The following ARHGAP25 variants were observed in gnomAD, a reference collection of about 807,000 sequenced individuals.
ARHGAP25 encodes Rho GTPase activating protein 25, also known as rho GTPase-activating protein 25.
Under a neutral mutation model 71.0 loss-of-function variants are expected in ARHGAP25, and 34 were observed. That is an observed-to-expected ratio of 0.48 (90% CI 0.36 to 0.64). The LOEUF is 0.64. ARHGAP25 is among the 30% of genes least tolerant of loss of function. ARHGAP25 has a pLI of 0.00. For missense variants in ARHGAP25, 706 were observed against 805.1 expected (o/e 0.88, Z 1.49); for synonymous variants, 282 against 296.5 (o/e 0.95, Z 0.50).
Position 68,806,452 on chromosome 2 carries a change from G to A in ARHGAP25, c.467-821G>A, listed in dbSNP as rs143503613. On this transcript the variant is annotated intron_variant, in intron 4 of 10. Coordinates refer to ENST00000409202, the MANE Select transcript of ARHGAP25 (RefSeq NM_001007231.3). ...CCTTGGGGGGATACATTTCAAGACC[G>A]CAGTGGATGCCTGAGATCTCAGGTA... Among the ~76,000 whole-genome samples, 599 of 152,282 alleles carry A rather than the reference G, an allele frequency of 3.9e-3. 15 individuals are homozygous for A. The highest frequency in any genetic ancestry group is 0.011 in the East Asian group (55 of 5,190).
At chr2:68,810,530 T>G (rs770231296) in intron 5 of ARHGAP25, among the ~76,000 whole-genome samples, 1 of 152,220 alleles carries the variant, frequency 6.6e-6, no homozygotes, top group Non-Finnish European at 1.5e-5. Context: ...TGTTGTAAGA[T>G]GATTTATATA....
intron 2 of ARHGAP25, among the ~76,000 whole-genome samples, chr2:68,718,350 C>T (rs1017162805): frequency 4.6e-5 from 7 of 152,104 alleles, no homozygotes; most frequent in African/African-American, 1.7e-4. Context: ...CCCTTTCTTC[C>T]ATCTTTCTGA....
intron 4 of ARHGAP25, among the ~76,000 whole-genome samples, chr2:68,792,465 T>G (rs1679249972): frequency 6.6e-6 from 1 of 152,222 alleles, no homozygotes; most frequent in Non-Finnish European, 1.5e-5. Flanking sequence ...TATGTCTGTG[T>G]GTACACGTTA....
At chr2:68,756,984 C>T (rs1317052688) in intron 1 of ARHGAP25, among the ~76,000 whole-genome samples, 1 of 151,756 alleles carries the variant, frequency 6.6e-6, no homozygotes, top group Non-Finnish European at 1.5e-5. Context: ...AAGAAAGAAA[C>T]TAAAAAGAAA....
At chr2:68,762,057 G>A (rs993521586) in intron 1 of ARHGAP25, among the ~76,000 whole-genome samples, 2 of 152,134 alleles carry the variant, frequency 1.3e-5, no homozygotes, top group African/African-American at 2.4e-5. Context: ...GCCTTAAAAA[G>A]GAAGGACATT....
In ARHGAP25 at chr2:68,715,941, C is replaced by T. The variant is rs373115452; in HGVS notation, c.-18+5243C>T. On this transcript the variant is annotated intron_variant and NMD_transcript_variant, in intron 2 of 7. Coordinates refer to the ARHGAP25 transcript ENST00000463483. ...GTTGGGAGGAGAAATGAATCTACTT[C>T]ACTCTTTATTCCATAGGTATTTTCA... Among the ~76,000 whole-genome samples the T allele has an allele frequency of 2.8e-4, 43 of 152,266 alleles. No homozygotes were observed. The South Asian group carries it at 8.7e-3, about 31-fold the overall frequency.
chr2:68,796,168 C>G (rs1269370613), intron 4 of ARHGAP25, among the ~76,000 whole-genome samples: 1 of 152,044 alleles, frequency 6.6e-6, no homozygotes, highest in African/African-American at 2.4e-5. Flanking sequence ...GTATTTTGTT[C>G]TAGAATTCCT....
intron 1 of ARHGAP25, among the ~76,000 whole-genome samples, chr2:68,766,797 CCT>C (rs990951884): frequency 6.6e-6 from 1 of 150,764 alleles, no homozygotes; most frequent in African/African-American, 2.4e-5. Context: ...ATTCTCTCTC[CCT>C]CTCTCTTTTT....
At chr2:68,769,162 C>G (rs1206647996) in intron 1 of ARHGAP25, among the ~76,000 whole-genome samples, 1 of 152,118 alleles carries the variant, frequency 6.6e-6, no homozygotes, top group African/African-American at 2.4e-5. Context: ...GAATATTGTG[C>G]AATGTCCAGC....
intron 7 of ARHGAP25, chr2:68,816,614 C>T (rs181093222): frequency 3.6e-4 from 158 of 442,264 alleles, no homozygotes; most frequent in African/African-American, 3.0e-3. Flanking sequence ...CTGGTACATG[C>T]AAGAGAACCC....
intron 4 of ARHGAP25, among the ~76,000 whole-genome samples, chr2:68,797,598 C>T (rs745412893): frequency 1.2e-4 from 19 of 152,206 alleles, no homozygotes; most frequent in Non-Finnish European, 7.3e-5. Flanking sequence ...CTTCTCAGAA[C>T]GGGCCGCAAG....
intron 1 of ARHGAP25, among the ~76,000 whole-genome samples, chr2:68,771,654 C>A (rs75598232): frequency 2.0e-5 from 3 of 152,148 alleles, no homozygotes; most frequent in Admixed American, 2.0e-4. Context: ...ATGGAAAGTG[C>A]CCCTGCTTAA....
At position 68,813,406 on chromosome 2, in the gene ARHGAP25, C is replaced by A. The variant is rs1481204393; in HGVS notation, c.794C>A (p.Ala265Glu). Residue 265 changes from alanine (A) to glutamate (E), a missense_variant, in exon 6 of 11, where the codon GCG (alanine) becomes GAG (glutamate). Physicochemically the swap from Ala to Glu is moderately radical, Grantham distance 107 (BLOSUM62 -1). Transcript: ENST00000409202. ...CTGCTCTGTGGGCAGCTCACGAATG[C>A]GGATGAGGCAAAGGTTTGCATCTTA... ...GFLLCGQLTN[A>E]DEAKAQQELM... The A allele has an allele frequency of 1.9e-6, 3 of 1,611,994 alleles. No homozygotes were observed. Among genetic ancestry groups the A allele is most frequent in the African/African-American group, 1.3e-5 (1 of 74,684 alleles).
At chr2:68,720,329 A>G (rs529145639) in intron 2 of ARHGAP25, among the ~76,000 whole-genome samples, 61 of 149,486 alleles carry the variant, frequency 4.1e-4, no homozygotes, top group African/African-American at 1.3e-3. Context: ...AAAAAAAAAA[A>G]AAAAGAAAAG....
chr2:68,744,073 G>A (rs1675675811), intron 1 of ARHGAP25, among the ~76,000 whole-genome samples: 2 of 152,108 alleles, frequency 1.3e-5, no homozygotes. Context: ...AAACTGTCAT[G>A]CTAGCTTCCT....
At chr2:68,728,603 A>T (rs982544109) in intron 2 of ARHGAP25, among the ~76,000 whole-genome samples, 2 of 152,132 alleles carry the variant, frequency 1.3e-5, no homozygotes, top group Non-Finnish European at 2.9e-5. Flanking sequence ...AGTTTATAAA[A>T]CTTGTGCACA....
chr2:68,782,249 C>G lies in ARHGAP25; in HGVS notation c.278C>G (p.Pro93Arg). The G allele has an allele frequency of 6.2e-7, 1 of 1,613,974 alleles. No homozygotes were observed. Among genetic ancestry groups the G allele is most frequent in the Non-Finnish European group, 8.5e-7 (1 of 1,179,950 alleles). The change falls in exon 3 of 11, where the codon CCA becomes CGA. Residue 93 changes from proline to arginine, a missense_variant. Transcript: ENST00000409202. ...ATCTTTCAGGGCTGCATGTATCTACCAGGATGTACAATCAAGGAGATCGCC... is the reference window on the plus strand; with the variant it reads ...ATCTTTCAGGGCTGCATGTATCTACGAGGATGTACAATCAAGGAGATCGCC... Reference protein sequence around the residue: ...DTKPQGCMYLPGCTIKEIATN... With the variant: ...DTKPQGCMYLRGCTIKEIATN...
At chr2:68,787,783 C>T (rs969871689) in intron 3 of ARHGAP25, 57 bp from the exon 4 acceptor site, 4 of 1,432,936 alleles carry the variant, frequency 2.8e-6, no homozygotes, top group Non-Finnish European at 3.9e-6. Flanking sequence ...TTCTCTTCCC[C>T]TTGCTCTCAT....
At position 68,734,880 on chromosome 2, in the gene ARHGAP25, C is replaced by G; in HGVS notation, c.-320C>G. The G allele has an allele frequency of 2.7e-6, 1 of 373,798 alleles. No individual in the cohort carries two copies. The allele number at this position is 373,798 out of a possible 1,614,324, so 23.2% of individuals were successfully genotyped here. ...CGAAAAGGAGCTTTGCTTCCCATGA[C>G]GCAGAGGGAAGTGTCAACTGGGATA... On this transcript the variant is annotated 5_prime_UTR_variant, in exon 1 of 11. Transcript: ENST00000409202.
Sources: gnomAD v4.1 joint callset for allele counts (sites outside exome capture counted in the v4.1 genomes callset) on GRCh38, gnomAD v4.1.1 for gene constraint, MANE v1.5 for transcripts, NCBI Gene and HGNC (gene_info 2026-07-23, HGNC 2026-07-21) for gene names.